The following NUP98 variants were observed in gnomAD, a reference collection of about 807,000 sequenced individuals.
NUP98 encodes the protein nucleoporin 98 and 96 precursor, also known as nuclear pore complex protein Nup98-Nup96.
NUP98 carries 26 observed loss-of-function variants against 191.9 expected under a neutral mutation model. The observed-to-expected ratio is 0.14, with a 90% CI of 0.10 to 0.19. The LOEUF (loss-of-function observed/expected upper bound fraction) is 0.19, where lower values mean the gene tolerates loss of function less well. NUP98 is among the 10% of genes least tolerant of loss of function. NUP98 has a pLI of 1.00. For synonymous variants in NUP98, 808 were observed against 778.4 expected, an observed-to-expected ratio of 1.04 and a Z score of -0.63; for missense variants, 1,941 against 2,178.8, an observed-to-expected ratio of 0.89 and a Z score of 2.17.
intron 7 of NUP98, among the ~76,000 whole-genome samples, chr11:3,770,170 C>T (rs2081479884): frequency 6.6e-6 from 1 of 151,972 alleles, no homozygotes; most frequent in Non-Finnish European, 1.5e-5. Context: ...CATGGTGAAA[C>T]CCCAACTCTA....
At chr11:3,756,050 CTTT>C (rs2080948656) in intron 10 of NUP98, among the ~76,000 whole-genome samples, 3 of 152,198 alleles carry the variant, frequency 2.0e-5, no homozygotes, top group Admixed American at 6.6e-5. Context: ...TGAATCTCTT[CTTT>C]AATTCTTCTA....
chr11:3,678,900 T>C lies in NUP98; in HGVS notation c.5073+654A>G, dbSNP rs554788671. On this transcript the variant is annotated intron_variant, in intron 31 of 32. Transcript: ENST00000324932. ...AATTTGGGAGGCCAAGGTGGGCCGATCACTTGAGGCCAGGAATTCAAGACC... is the reference window on the plus strand; with the variant it reads ...AATTTGGGAGGCCAAGGTGGGCCGACCACTTGAGGCCAGGAATTCAAGACC... Among the ~76,000 whole-genome samples the C allele has an allele frequency of 2.6e-3, 394 of 152,206 alleles. 3 individuals carry two copies. The highest frequency in any genetic ancestry group is 8.7e-3 in the African/African-American group (360 of 41,530).
Position 3,702,842 on chromosome 11 carries a change from T to C in NUP98, c.3133A>G (p.Ser1045Gly). The C allele has an allele frequency of 6.2e-7, 1 of 1,613,640 alleles. No individual in the cohort carries two copies. Among genetic ancestry groups the C allele is most frequent in the East Asian group, 2.2e-5 (1 of 44,880 alleles). The stretch of plus-strand genomic sequence containing the variant: ...GTACGACATTCTTGCACAGAGACAC[T>C]TGGTGAAAGAAAAGCTCCACTTGTA... ...KFTSGAFLSP[S>G]VSVQECRTPR... is the part of the protein sequence containing the mutation. Residue 1045 changes from serine (S) to glycine (G), a missense_variant, in exon 23 of 33, where the codon AGT becomes GGT. Coordinates refer to ENST00000324932, the MANE Select transcript of NUP98 (RefSeq NM_016320.5).
intron 1 of NUP98, among the ~76,000 whole-genome samples, chr11:3,792,369 G>A (rs565530562): frequency 6.6e-6 from 1 of 152,220 alleles, no homozygotes; most frequent in South Asian, 2.1e-4. Context: ...CAGCTCTTTA[G>A]GAGGCCGAGA....
At chr11:3,691,661 C>T (rs1240608010) in intron 27 of NUP98, among the ~76,000 whole-genome samples, 172 bp from the exon 28 acceptor site, 2 of 152,012 alleles carry the variant, frequency 1.3e-5, no homozygotes, top group South Asian at 2.1e-4. Context: ...TCAAACAATT[C>T]TCCTGCCTCA....
intron 14 of NUP98, among the ~76,000 whole-genome samples, chr11:3,725,610 T>C (rs557329348): frequency 5.3e-4 from 80 of 152,196 alleles, no homozygotes; most frequent in Non-Finnish European, 1.0e-3. Flanking sequence ...CGTATGGCTG[T>C]CTCACCATAG....
At chr11:3,753,975 A>G (rs936893735) in intron 10 of NUP98, among the ~76,000 whole-genome samples, 6 of 151,620 alleles carry the variant, frequency 4.0e-5, no homozygotes, top group Non-Finnish European at 1.5e-5. Context: ...ATAAAATAAA[A>G]TAAAGAAATA....
chr11:3,762,250 C>A (rs1019226767), intron 9 of NUP98, among the ~76,000 whole-genome samples: 1 of 151,242 alleles, frequency 6.6e-6, no homozygotes, highest in Non-Finnish European at 1.5e-5. Context: ...GCTGGTATTA[C>A]AGGCACCCAC....
Position 3,744,562 on chromosome 11 carries a change from C to G in NUP98, c.1355G>C (p.Gly452Ala), listed in dbSNP as rs1179488489. Residue 452 changes from glycine (G) to alanine (A), a missense_variant, in exon 12 of 33, where the codon GGA (glycine) becomes GCA (alanine). Physicochemically the swap from Gly to Ala is moderately conservative, Grantham distance 60. Transcript: ENST00000324932. The part of the protein sequence containing the change: ...PLGTGAFGAP[G>A]FNTTTATLGF... ...CAAAGTGGCTGTCGTAGTATTAAAT[C>G]CAGGGGCCCCAAAGGCTCCTGTACC... 6.2e-7 allele frequency: 1 copy of G among 1,613,672 alleles called. No individual in the cohort carries two copies. The highest frequency in any genetic ancestry group is 2.2e-5 in the East Asian group (1 of 44,892).
chr11:3,760,529 G>A lies in NUP98; in HGVS notation c.1174+10C>T, dbSNP rs1365866433. ...TGTATTGGTTCCTAAAGTCAGGGTT[G>A]GTTTGTTACCAAAGAGCCCGCCACT... On this transcript the variant is annotated intron_variant, in intron 10 of 32. Coordinates refer to ENST00000324932, the MANE Select transcript of NUP98 (RefSeq NM_016320.5). 1.9e-6 allele frequency: 3 copies of A among 1,614,054 alleles called. No individual in the cohort carries two copies. The African/African-American group carries it at 4.0e-5, about 22-fold the overall frequency.
intron 1 of NUP98, among the ~76,000 whole-genome samples, chr11:3,797,096 G>A (rs545674531): frequency 1.8e-4 from 27 of 152,368 alleles, no homozygotes; most frequent in Non-Finnish European, 2.6e-4. Flanking sequence ...GCCCACCGTG[G>A]GGTCCTTACA....
At chr11:3,715,934 T>C (rs924733436) in intron 18 of NUP98, among the ~76,000 whole-genome samples, 1 of 152,216 alleles carries the variant, frequency 6.6e-6, no homozygotes, top group Non-Finnish European at 1.5e-5. Context: ...AATGGGTTAT[T>C]ATTTTTGTTG....
intron 1 of NUP98, among the ~76,000 whole-genome samples, chr11:3,783,341 T>C (rs538453110): frequency 8.9e-4 from 135 of 152,252 alleles, no homozygotes; most frequent in Middle Eastern, 3.4e-3. Context: ...TGAGCCATTA[T>C]CATGCCACTT....
chr11:3,769,135 T>C (rs1026541755), intron 7 of NUP98, among the ~76,000 whole-genome samples: 5 of 152,272 alleles, frequency 3.3e-5, no homozygotes, highest in Admixed American at 2.0e-4. Context: ...TATTCAATAA[T>C]GAATATGGGC....
chr11:3,776,265 G>A (rs113688134), intron 4 of NUP98, among the ~76,000 whole-genome samples: 2 of 151,708 alleles, frequency 1.3e-5, no homozygotes, highest in Admixed American at 6.6e-5. Context: ...GGGACCACAG[G>A]CATGCGCCAC....
rs1176352469 is a variant in NUP98, at chr11:3,675,768, G to A, written c.*391C>T. Reference sequence around the variant, plus strand: ...TCACCTGTCTCACTCCTCCTAAGGAGTCCTAGTATAAAAGGGCCAGGGTAG... The same window carrying A: ...TCACCTGTCTCACTCCTCCTAAGGAATCCTAGTATAAAAGGGCCAGGGTAG... On this transcript the variant is annotated 3_prime_UTR_variant, in exon 33 of 33. Coordinates refer to ENST00000324932, the MANE Select transcript of NUP98 (RefSeq NM_016320.5). 2.9e-6 allele frequency: 1 copy of A among 347,128 alleles called. No homozygotes were observed. The highest frequency in any genetic ancestry group is 5.3e-6 in the Non-Finnish European group (1 of 187,282). The allele number at this position is 347,128 out of a possible 1,614,324, so 21.5% of individuals were successfully genotyped here. A position where few individuals can be genotyped will look rare whatever the true frequency, so the allele number is the denominator to read the frequency against.
chr11:3,779,076 A>T (rs1564920503), intron 3 of NUP98, 27 bp from the exon 4 acceptor site: 1 of 1,613,970 alleles, frequency 6.2e-7, no homozygotes, highest in Admixed American at 1.7e-5. Flanking sequence ...GGAGGGAAAA[A>T]GTTAAGTACA....
chr11:3,795,006 G>A (rs1360243367), intron 1 of NUP98, among the ~76,000 whole-genome samples: 1 of 152,116 alleles, frequency 6.6e-6, no homozygotes. Context: ...TTAAACATTA[G>A]TACCATCATT....
At chr11:3,786,591 C>A (rs1188939059) in intron 1 of NUP98, among the ~76,000 whole-genome samples, 1 of 152,152 alleles carries the variant, frequency 6.6e-6, no homozygotes, top group Non-Finnish European at 1.5e-5. Flanking sequence ...AATTCAGATT[C>A]TCAGATACAA....
Sources: gnomAD v4.1 joint callset for allele counts (sites outside exome capture counted in the v4.1 genomes callset) on GRCh38, gnomAD v4.1.1 for gene constraint, MANE v1.5 for transcripts, NCBI Gene and HGNC (gene_info 2026-07-23, HGNC 2026-07-21) for gene names.